Variants in SLIT3 observed in about 807,000 individuals in gnomAD.
SLIT3 encodes the protein slit homolog 3 protein.
SLIT3 carries 68 observed loss-of-function variants against 184.0 expected under a neutral mutation model. The ratio of observed to expected loss-of-function variants is 0.37; its 90% confidence interval spans 0.30 to 0.45. The LOEUF (loss-of-function observed/expected upper bound fraction) is 0.45, where lower values mean the gene tolerates loss of function less well. Ranked by LOEUF, SLIT3 falls within the 20% of genes least tolerant of loss-of-function variation. SLIT3 has a pLI of 1.00. For missense variants in SLIT3, 1,707 were observed against 2,026.0 expected (o/e 0.84, Z 3.02); for synonymous variants, 831 against 828.6 (o/e 1.00, Z -0.05).
At chr5:169,120,437 C>T (rs191457143) in intron 4 of SLIT3, 1 of 152,278 alleles carries the variant, frequency 6.6e-6, no homozygotes, top group African/African-American at 2.4e-5. Context: ...GCTTTGAAGA[C>T]AGAGGAAGGA....
chr5:169,050,789 A>G (rs1485277180), intron 4 of SLIT3, among the ~76,000 whole-genome samples: 1 of 152,176 alleles, frequency 6.6e-6, no homozygotes, highest in Non-Finnish European at 1.5e-5. Flanking sequence ...ACACATGGAA[A>G]GACGCCATAG....
chr5:169,024,022 C>T (rs879792725), intron 4 of SLIT3: 5 of 152,170 alleles, frequency 3.3e-5, no homozygotes, highest in Non-Finnish European at 7.3e-5. Context: ...ATGCAATTCT[C>T]TTTCTCAAAA....
rs1764487642 is a variant in SLIT3 at position 169,217,732 on chromosome 5, G to A, written c.342-24182C>T. Among the ~76,000 whole-genome samples, 3 of 152,212 alleles carry A rather than the reference G, an allele frequency of 2.0e-5. 1 individual carries two copies. The South Asian group carries it at 6.2e-4, about 31-fold the overall frequency. On this transcript the variant is annotated intron_variant, in intron 3 of 35. Transcript: ENST00000519560. The stretch of plus-strand genomic sequence containing the variant: ...ATGAATACAACACACAGGCCGCTCT[G>A]TGATTCTAACCCCTACCTATGGCCA...
At chr5:169,187,710 C>A (rs557226920) in intron 4 of SLIT3, among the ~76,000 whole-genome samples, 1 of 152,002 alleles carries the variant, frequency 6.6e-6, no homozygotes, top group South Asian at 2.1e-4. Flanking sequence ...TGCACCACCA[C>A]GCCCAGCTAA....
intron 1 of SLIT3, among the ~76,000 whole-genome samples, chr5:169,257,588 C>A (rs1425859301): frequency 7.9e-6 from 1 of 126,256 alleles, no homozygotes; most frequent in Non-Finnish European, 1.5e-5. Flanking sequence ...CCTCTGTCAC[C>A]CGGGCTGGAG....
intron 4 of SLIT3, among the ~76,000 whole-genome samples, chr5:169,097,291 A>T (rs1759824899): frequency 6.6e-6 from 1 of 152,096 alleles, no homozygotes; most frequent in African/African-American, 2.4e-5. Flanking sequence ...TTAGTCCATT[A>T]AGTGTGAGAT....
chr5:169,137,389 G>A (rs1761558573), intron 4 of SLIT3, among the ~76,000 whole-genome samples: 1 of 150,448 alleles, frequency 6.6e-6, no homozygotes, highest in African/African-American at 2.4e-5. Context: ...AGCAGGGGAA[G>A]GGTATCTATT....
intron 26 of SLIT3, among the ~76,000 whole-genome samples, chr5:168,704,894 C>T (rs762181953): frequency 8.5e-5 from 13 of 152,246 alleles, no homozygotes; most frequent in South Asian, 4.2e-4. Context: ...TCTGTTTGGG[C>T]GGGCTCTAAC....
intron 4 of SLIT3, among the ~76,000 whole-genome samples, chr5:169,101,978 A>G (rs1400729855): frequency 6.6e-6 from 1 of 152,174 alleles, no homozygotes; most frequent in Non-Finnish European, 1.5e-5. Flanking sequence ...CTGACCATTC[A>G]GCGCCACAGT....
chr5:168,803,463 G>C (rs1167174194), intron 9 of SLIT3, among the ~76,000 whole-genome samples: 2 of 152,220 alleles, frequency 1.3e-5, no homozygotes, highest in Non-Finnish European at 2.9e-5. Flanking sequence ...CCAGGTGTGA[G>C]TCCAACCTTT....
intron 4 of SLIT3, among the ~76,000 whole-genome samples, chr5:168,983,228 A>C (rs562022943): frequency 2.1e-4 from 32 of 152,290 alleles, no homozygotes; most frequent in Admixed American, 1.1e-3. Flanking sequence ...TCAAAACATC[A>C]CTTTCTATAC....
intron 2 of SLIT3, 123 bp from the exon 3 acceptor site, chr5:169,244,899 T>C (rs934233551): frequency 6.0e-6 from 5 of 829,964 alleles, no homozygotes; most frequent in Non-Finnish European, 1.0e-5. Context: ...TCCCTTCAAC[T>C]GGGATCAGTC....
chr5:168,670,149 C>T (rs1761193018), intron 34 of SLIT3, among the ~76,000 whole-genome samples, 158 bp from the exon 35 acceptor site: 2 of 152,186 alleles, frequency 1.3e-5, no homozygotes, highest in Admixed American at 1.3e-4. Flanking sequence ...TCTTAACCAC[C>T]TTGGTTCCCC....
At chr5:168,683,639 A>G (rs371510880) in intron 32 of SLIT3, among the ~76,000 whole-genome samples, 37 of 152,160 alleles carry the variant, frequency 2.4e-4, no homozygotes, top group African/African-American at 8.7e-4. Context: ...TTAAGATGAC[A>G]TTTTGAAAAG....
Position 168,727,691 on chromosome 5 carries a change from T to C in SLIT3, c.2271-3207A>G, listed in dbSNP as rs2113387537. Among the ~76,000 whole-genome samples, 3 of 152,280 alleles carry C rather than the reference T, an allele frequency of 2.0e-5. No individual in the cohort carries two copies. In the East Asian group the frequency reaches 5.8e-4, roughly 29 times the overall value. ...TCTGCCCTCCCTGCATGAAAGGCTG[T>C]GGGGTATTTGCATTCTGAGTGAATG... is the stretch of plus-strand genomic sequence containing the variant. On this transcript the variant is annotated intron_variant, in intron 20 of 35. Coordinates refer to ENST00000519560, the MANE Select transcript of SLIT3 (RefSeq NM_003062.4).
intron 14 of SLIT3, 147 bp from the exon 15 acceptor site, chr5:168,762,836 A>G (rs1755207332): frequency 5.3e-6 from 4 of 750,178 alleles, no homozygotes; most frequent in Non-Finnish European, 6.7e-6. Flanking sequence ...CGCCTTTGCT[A>G]TATGGCCACC....
intron 3 of SLIT3, among the ~76,000 whole-genome samples, chr5:169,231,484 T>C (rs1339581054): frequency 6.6e-6 from 1 of 152,252 alleles, no homozygotes; most frequent in African/African-American, 2.4e-5. Context: ...GTCCGGTTTT[T>C]GTCCCCGATT....
intron 3 of SLIT3, among the ~76,000 whole-genome samples, chr5:169,224,629 A>G (rs926385076): frequency 6.6e-6 from 1 of 152,070 alleles, no homozygotes; most frequent in Admixed American, 6.6e-5. Context: ...CAGCCTCCCA[A>G]AGTGTTGGGA....
At chr5:169,151,637 T>C (rs1210158823) in intron 4 of SLIT3, among the ~76,000 whole-genome samples, 3 of 152,208 alleles carry the variant, frequency 2.0e-5, no homozygotes, top group Admixed American at 2.0e-4. Flanking sequence ...AAACTTTATT[T>C]AGTGAGATGA....
Sources: gnomAD v4.1 joint callset for allele counts (sites outside exome capture counted in the v4.1 genomes callset) on GRCh38, gnomAD v4.1.1 for gene constraint, MANE v1.5 for transcripts, NCBI Gene and HGNC (gene_info 2026-07-23, HGNC 2026-07-21) for gene names.